The following ATP2C2 variants were observed in gnomAD, a reference collection of about 807,000 sequenced individuals.
ATP2C2 encodes the protein calcium-transporting ATPase type 2C member 2.
ATP2C2 carries 171 observed loss-of-function variants against 110.8 expected under a neutral mutation model. The ratio of observed to expected loss-of-function variants is 1.54; its 90% CI spans 1.36 to 1.75. ATP2C2 has a LOEUF of 1.75. ATP2C2 is among the 40% of genes most tolerant of loss of function. The pLI, the probability that ATP2C2 is intolerant of heterozygous loss-of-function variation, is 0.00. For synonymous variants in ATP2C2, 804 were observed against 508.4 expected, an observed-to-expected ratio of 1.58 and a Z score of -7.82; for missense variants, 1,963 against 1,235.0, an observed-to-expected ratio of 1.59 and a Z score of -8.84.
rs184930233 is a variant in ATP2C2 at position 84,379,560 on chromosome 16, G to A, written c.99+10846G>A. On this transcript the variant is annotated intron_variant, in intron 1 of 26. Transcript: ENST00000262429. Reference sequence around the variant, plus strand: ...GCTTGCCAGAAATGCAGAATCTCAGGTTCCACCCTGGAACTACAGAATCAG... The same window carrying A: ...GCTTGCCAGAAATGCAGAATCTCAGATTCCACCCTGGAACTACAGAATCAG... Among the ~76,000 whole-genome samples the A allele has an allele frequency of 2.0e-5, 3 of 152,306 alleles. No homozygotes were observed. The East Asian group carries it at 5.8e-4, about 29-fold the overall frequency.
intron 15 of ATP2C2, among the ~76,000 whole-genome samples, chr16:84,444,180 A>AC (rs1381599064): frequency 3.4e-5 from 5 of 148,304 alleles, no homozygotes; most frequent in African/African-American, 4.9e-5. Flanking sequence ...AAAAAAAAAA[A>AC]AAAACAAAAA....
chr16:84,449,392 G>A (rs762705267), intron 17 of ATP2C2, among the ~76,000 whole-genome samples: 18 of 152,202 alleles, frequency 1.2e-4, no homozygotes, highest in Non-Finnish European at 2.6e-4. Flanking sequence ...AGTGAGGGGA[G>A]CGTTCCCCAA....
intron 1 of ATP2C2, among the ~76,000 whole-genome samples, chr16:84,384,279 C>T (rs1904293809): frequency 6.6e-6 from 1 of 152,228 alleles, no homozygotes; most frequent in African/African-American, 2.4e-5. Context: ...TGTGGATTTT[C>T]CTTGTCTTCT....
rs139510777 is a variant in ATP2C2 at position 84,451,693 on chromosome 16, C to G, written c.1661-228C>G. ...TCTCTACTAAAAATACAAAAATTAG[C>G]TGGGCCTGGAGGCGCATGCCCGTAA... On this transcript the variant is annotated intron_variant, in intron 17 of 26. Transcript: ENST00000262429. Among the ~76,000 whole-genome samples the G allele has an allele frequency of 1.1e-3, 171 of 152,272 alleles. 1 individual carries two copies. Among genetic ancestry groups the G allele is most frequent in the African/African-American group, 3.4e-3 (140 of 41,556 alleles).
rs927902433 is a variant in ATP2C2, at chr16:84,429,657, G to A, written c.986+3856G>A. ...GGATGGAGAATCGATGGGAATCAAG[G>A]GCTAGAGGAAGAGAGCTGGGAAGAG... On this transcript the variant is annotated intron_variant, in intron 11 of 26. Coordinates refer to ENST00000262429, the MANE Select transcript of ATP2C2 (RefSeq NM_014861.4). Among the ~76,000 whole-genome samples the A allele has an allele frequency of 7.2e-5, 11 of 152,238 alleles. No homozygotes were observed. The South Asian group carries it at 1.5e-3, about 20-fold the overall frequency.
intron 1 of ATP2C2, among the ~76,000 whole-genome samples, chr16:84,380,979 G>A (rs1015691262): frequency 1.4e-4 from 21 of 152,180 alleles, no homozygotes; most frequent in Admixed American, 1.4e-3. Flanking sequence ...AGGAGTTTGA[G>A]ATCAGCCCGG....
intron 4 of ATP2C2, among the ~76,000 whole-genome samples, chr16:84,409,117 G>A (rs1490775665): frequency 6.6e-6 from 1 of 152,132 alleles, no homozygotes; most frequent in Admixed American, 6.5e-5. Context: ...TCACTGAAAT[G>A]GATTCAGACG....
intron 7 of ATP2C2, among the ~76,000 whole-genome samples, chr16:84,418,549 C>T (rs964562613): frequency 6.6e-6 from 1 of 152,206 alleles, no homozygotes; most frequent in Non-Finnish European, 1.5e-5. Flanking sequence ...TTTGTTCTCC[C>T]AACACCCTTA....
chr16:84,385,611 G>A (rs1904308614), intron 1 of ATP2C2, among the ~76,000 whole-genome samples: 1 of 152,212 alleles, frequency 6.6e-6, no homozygotes, highest in African/African-American at 2.4e-5. Flanking sequence ...CTGAGACTGA[G>A]TAATTTACAA....
intron 20 of ATP2C2, 61 bp from the exon 21 acceptor site, chr16:84,454,757 T>G (rs1206282957): frequency 2.7e-5 from 41 of 1,497,988 alleles, no homozygotes; most frequent in Middle Eastern, 2.4e-4. Context: ...AGGGTGTGCA[T>G]GGCCGGGCAC....
chr16:84,382,481 T>C (rs912306110), intron 1 of ATP2C2, among the ~76,000 whole-genome samples: 1 of 152,226 alleles, frequency 6.6e-6, no homozygotes, highest in Non-Finnish European at 1.5e-5. Context: ...CCCCTGCCTT[T>C]TGCCATCTCT....
intron 15 of ATP2C2, among the ~76,000 whole-genome samples, chr16:84,443,004 C>T (rs1173469037): frequency 1.3e-5 from 2 of 152,052 alleles, no homozygotes; most frequent in Non-Finnish European, 2.9e-5. Context: ...AGTGTTAGAC[C>T]CTGAGCTCTG....
chr16:84,380,609 A>T (rs12444119), intron 1 of ATP2C2, among the ~76,000 whole-genome samples: 3 of 151,786 alleles, frequency 2.0e-5, no homozygotes, highest in African/African-American at 4.9e-5. Flanking sequence ...AAGTCTAGAG[A>T]GGCTGCAGGA....
intron 17 of ATP2C2, 102 bp from the exon 18 acceptor site, chr16:84,451,819 T>A: frequency 8.0e-7 from 1 of 1,246,248 alleles, no homozygotes; most frequent in Non-Finnish European, 1.1e-6. Context: ...ACCTGGGCGA[T>A]AAGAACAAAA....
Position 84,463,618 on chromosome 16 carries a change from G to T in ATP2C2, c.2727G>T (p.Leu909Phe). 6.2e-7 allele frequency: 1 copy of T among 1,613,204 alleles called. No individual in the cohort carries two copies. The highest frequency in any genetic ancestry group is 8.5e-7 in the Non-Finnish European group (1 of 1,179,144). Residue 909 changes from leucine to phenylalanine, a missense_variant, in exon 27 of 27, where the codon TTG (leucine) becomes TTT (phenylalanine). Coordinates refer to ENST00000262429, the MANE Select transcript of ATP2C2 (RefSeq NM_014861.4). ...TTCTGTTTTCTCCCTTGGCAGATTT[G>T]CTGTTTTTAACTGGATTGGCCTCAT... ...FQTENLGALD[L>F]LFLTGLASSV...
intron 17 of ATP2C2, 69 bp from the exon 18 acceptor site, chr16:84,451,852 C>G: frequency 6.9e-7 from 1 of 1,454,496 alleles, no homozygotes; most frequent in African/African-American, 1.4e-5. Context: ...ACAACAACAA[C>G]AACCAACAAC....
intron 1 of ATP2C2, among the ~76,000 whole-genome samples, chr16:84,395,286 C>T (rs1208337059): frequency 6.6e-6 from 1 of 151,954 alleles, no homozygotes; most frequent in African/African-American, 2.4e-5. Flanking sequence ...CTCTCCCCTC[C>T]AGTGTCACTG....
rs145341141 is a variant in ATP2C2 at position 84,380,499 on chromosome 16, G to A, written c.99+11785G>A. The stretch of plus-strand genomic sequence containing the variant: ...GATCCTATTTTCCCCCGTGACTTGG[G>A]GTTGGGGGAGGCGGAGGGAGGAAGG... On this transcript the variant is annotated intron_variant, in intron 1 of 26. Coordinates refer to ENST00000262429, the MANE Select transcript of ATP2C2 (RefSeq NM_014861.4). Among the ~76,000 whole-genome samples the A allele has an allele frequency of 1.8e-3, 277 of 152,266 alleles. 1 individual carries two copies. Among genetic ancestry groups the A allele is most frequent in the African/African-American group, 6.5e-3 (270 of 41,532 alleles).
At chr16:84,424,136 AG>A (rs1292538119) in intron 10 of ATP2C2, among the ~76,000 whole-genome samples, 2 of 152,348 alleles carry the variant, frequency 1.3e-5, no homozygotes, top group South Asian at 2.1e-4. Flanking sequence ...TCTAGTGATG[AG>A]GGGGGTGCTG....
Sources: allele counts gnomAD v4.1 joint callset (sites outside exome capture counted in the v4.1 genomes callset), GRCh38; gene constraint gnomAD v4.1.1; transcripts MANE v1.5; gene names NCBI Gene and HGNC (gene_info 2026-07-23, HGNC 2026-07-21).